INO80C: variants seen among roughly 807,000 people sequenced by gnomAD.
The protein encoded by INO80C is INO80 complex subunit C.
In INO80C, 17 loss-of-function variants were observed where a neutral mutation model predicts 17.7. That is an observed-to-expected ratio of 0.96 (90% confidence interval 0.66 to 1.44). The LOEUF (loss-of-function observed/expected upper bound fraction) is 1.44. Ranked by LOEUF, INO80C falls within the 40% of genes most tolerant of loss-of-function variation. The pLI is 0.00. For synonymous variants in INO80C, 96 were observed against 95.8 expected, an observed-to-expected ratio of 1.00 and a Z score of -0.01; for missense variants, 244 against 245.0, an observed-to-expected ratio of 1.00 and a Z score of 0.03.
chr18:35,479,485 C>T (rs2045779330), intron 2 of INO80C, 74 bp from the exon 3 acceptor site: 1 of 849,176 alleles, frequency 1.2e-6, no homozygotes. Context: ...ACATTTATGC[C>T]TAATCATAAC....
At chr18:35,476,913 C>A (rs1331650222) in intron 4 of INO80C, among the ~76,000 whole-genome samples, 1 of 152,104 alleles carries the variant, frequency 6.6e-6, no homozygotes, top group East Asian at 1.9e-4. Flanking sequence ...AATATGCTTT[C>A]AACAAGAATC....
intron 1 of INO80C, among the ~76,000 whole-genome samples, chr18:35,492,745 C>T (rs746431020): frequency 5.9e-5 from 9 of 152,168 alleles, no homozygotes; most frequent in African/African-American, 9.7e-5. Flanking sequence ...GCCCTATCCT[C>T]CTAAAGATGC....
chr18:35,486,648 T>C (rs903591580), intron 1 of INO80C, among the ~76,000 whole-genome samples: 2 of 151,982 alleles, frequency 1.3e-5, no homozygotes, highest in African/African-American at 2.4e-5. Context: ...AATGAATAAA[T>C]GGCCTGTTGT....
At chr18:35,479,839 A>C (rs947120738) in intron 2 of INO80C, among the ~76,000 whole-genome samples, 2 of 151,938 alleles carry the variant, frequency 1.3e-5, no homozygotes, top group African/African-American at 2.4e-5. Context: ...ATCCTGGAAA[A>C]GTTGAGAAAG....
intron 4 of INO80C, among the ~76,000 whole-genome samples, chr18:35,474,205 G>GTTTA (rs1182452867): frequency 3.7e-5 from 1 of 27,246 alleles, no homozygotes; most frequent in Admixed American, 5.0e-4. Context: ...GTGTGTGTGT[G>GTTTA]TCTATATATA....
intron 1 of INO80C, among the ~76,000 whole-genome samples, chr18:35,494,316 A>G (rs544793703): frequency 6.6e-4 from 100 of 152,340 alleles, no homozygotes; most frequent in Non-Finnish European, 1.3e-3. Context: ...TCAAGCAGAC[A>G]CTAATCTAGG....
chr18:35,477,652 G>T (rs142490471), intron 4 of INO80C, among the ~76,000 whole-genome samples: 20 of 152,326 alleles, frequency 1.3e-4, no homozygotes, highest in African/African-American at 4.8e-4. Context: ...GGAAATGGGG[G>T]TGTTCTGAGG....
At chr18:35,479,513 C>T (rs2045779712) in intron 2 of INO80C, 102 bp from the exon 3 acceptor site, 5 of 699,468 alleles carry the variant, frequency 7.1e-6, no homozygotes, top group Non-Finnish European at 1.3e-5. Context: ...TACCTCTCAT[C>T]TGTCAACAAT....
chr18:35,497,547 G>A, intron 1 of INO80C, 172 bp downstream of exon 1: 14 of 1,409,886 alleles, frequency 9.9e-6, no homozygotes, highest in Non-Finnish European at 1.3e-5. Flanking sequence ...GTAAGCCCAT[G>A]TGTCCAAACG....
At chr18:35,490,353 G>A (rs2045921621) in intron 1 of INO80C, among the ~76,000 whole-genome samples, 1 of 152,158 alleles carries the variant, frequency 6.6e-6, no homozygotes, top group Non-Finnish European at 1.5e-5. Flanking sequence ...AAATTAGCAG[G>A]AGAGATAACC....
intron 1 of INO80C, among the ~76,000 whole-genome samples, chr18:35,488,454 C>A (rs571672779): frequency 6.6e-6 from 1 of 151,980 alleles, no homozygotes; most frequent in African/African-American, 2.4e-5. Flanking sequence ...AGGCTTGGAG[C>A]TTGCACTCTC....
At chr18:35,469,906 TC>T (rs1190361301) in intron 4 of INO80C, among the ~76,000 whole-genome samples, 1 of 152,228 alleles carries the variant, frequency 6.6e-6, no homozygotes, top group Non-Finnish European at 1.5e-5. Context: ...AGAACTTGTT[TC>T]CCAGACATAT....
chr18:35,493,789 C>T (rs1479069516), intron 1 of INO80C, among the ~76,000 whole-genome samples: 1 of 152,196 alleles, frequency 6.6e-6, no homozygotes, highest in African/African-American at 2.4e-5. Context: ...CTCTAATGTC[C>T]TACACGTAAA....
intron 1 of INO80C, 57 bp downstream of exon 1, chr18:35,497,662 C>A (rs1190252255): frequency 6.4e-6 from 10 of 1,568,268 alleles, no homozygotes; most frequent in Non-Finnish European, 8.6e-6. Context: ...CTCGGCTCCG[C>A]CCCGCCAAGT....
intron 1 of INO80C, among the ~76,000 whole-genome samples, chr18:35,481,403 G>A (rs1232115777): frequency 2.6e-5 from 4 of 152,230 alleles, no homozygotes; most frequent in Non-Finnish European, 2.9e-5. Flanking sequence ...GATCTTAAAT[G>A]TAGTTGTCAT....
Position 35,494,466 on chromosome 18 carries a change from T to C in INO80C, c.156+3253A>G, listed in dbSNP as rs1042577065. ...CCAGGGGTCAGCAATAAAAGAAGTC[T>C]GAAATATCTGAAGCATGAGAAGAAT... On this transcript the variant is annotated intron_variant, in intron 1 of 4. Transcript: ENST00000334598. Among the ~76,000 whole-genome samples the C allele has an allele frequency of 2.6e-5, 4 of 152,180 alleles. No homozygotes were observed. The South Asian group carries it at 8.3e-4, about 32-fold the overall frequency.
chr18:35,479,515 G>C lies in INO80C; in HGVS notation c.268-104C>G, dbSNP rs1324129371. On this transcript the variant is annotated intron_variant, in intron 2 of 4. Coordinates refer to ENST00000334598, the MANE Select transcript of INO80C (RefSeq NM_194281.4). ...CATAACTGTAATATACCTCTCATCT[G>C]TCAACAATCATTAAGACCCCTGAGA... The C allele has an allele frequency of 4.9e-5, 34 of 688,300 alleles. No homozygotes were observed. The Admixed American group carries it at 8.6e-4, about 17-fold the overall frequency. The allele number at this position is 688,300 out of a possible 1,614,324, so 42.6% of individuals were successfully genotyped here. A position where few individuals can be genotyped will look rare whatever the true frequency, so the allele number is the denominator to read the frequency against.
At chr18:35,494,646 C>T (rs912646383) in intron 1 of INO80C, among the ~76,000 whole-genome samples, 2 of 152,204 alleles carry the variant, frequency 1.3e-5, no homozygotes, top group Non-Finnish European at 2.9e-5. Flanking sequence ...CTGAATTCAC[C>T]TGCATGCAAA....
intron 3 of INO80C, 139 bp downstream of exon 3, chr18:35,479,161 C>G (rs991956188): frequency 1.6e-6 from 1 of 614,620 alleles, no homozygotes; most frequent in Non-Finnish European, 2.9e-6. Flanking sequence ...ATAATCTGCC[C>G]AGACTGATGC....
Sources: gnomAD v4.1 joint callset for allele counts (sites outside exome capture counted in the v4.1 genomes callset) on GRCh38, gnomAD v4.1.1 for gene constraint, MANE v1.5 for transcripts, NCBI Gene and HGNC (gene_info 2026-07-23, HGNC 2026-07-21) for gene names.